Variants in HHLA2 observed in about 807,000 individuals in gnomAD.
The protein encoded by HHLA2 is HERV-H LTR-associating protein 2.
A neutral mutation model predicts 45.9 loss-of-function variants in HHLA2; 48 were observed. That is an observed-to-expected ratio of 1.05 (90% CI 0.83 to 1.33). HHLA2 has a LOEUF of 1.33. Among genes scored for constraint, HHLA2 ranks in the 40% most tolerant of loss-of-function variants. The probability of loss-of-function intolerance (pLI) is 0.00; values close to 1 mark genes in which losing one functional copy is unlikely to be tolerated. For synonymous variants in HHLA2, 161 were observed against 173.9 expected (o/e 0.93, Z 0.59); for missense variants, 462 against 494.3 (o/e 0.93, Z 0.62).
chr3:108,358,365 C>T (rs991979751), intron 7 of HHLA2, among the ~76,000 whole-genome samples: 5 of 152,122 alleles, frequency 3.3e-5, no homozygotes, highest in African/African-American at 1.2e-4. Context: ...AAAAATTACT[C>T]CCACAGATTT....
In HHLA2 at chr3:108,355,201, A is replaced by G; in HGVS notation, c.505A>G (p.Ile169Val). The change falls in exon 6 of 11, where the codon ATT (isoleucine) becomes GTT (valine). Residue 169 changes from isoleucine to valine, a missense_variant. By Grantham distance (29) the Ile-to-Val change is conservative. Coordinates refer to ENST00000619531, the Ensembl canonical transcript of HHLA2. ...CGTGTTAAGTGTTTATCCTCGTCCA[A>G]TTATCACGTGGAAAATGGACAACAC... is the stretch of plus-strand genomic sequence containing the variant. 1.2e-6 allele frequency: 2 copies of G among 1,613,776 alleles called. No homozygotes were observed. Among genetic ancestry groups the G allele is most frequent in the Admixed American group, 1.7e-5 (1 of 59,966 alleles).
At chr3:108,339,478 A>G (rs2081528874) in intron 3 of HHLA2, among the ~76,000 whole-genome samples, 1 of 152,152 alleles carries the variant, frequency 6.6e-6, no homozygotes, top group South Asian at 2.1e-4. Context: ...CAATGTCTTC[A>G]TCTATAAAAT....
rs544642567 is a variant in HHLA2 at position 108,312,971 on chromosome 3, A to G, written c.-105+2230A>G. On this transcript the variant is annotated intron_variant, in intron 2 of 10. Transcript: ENST00000619531. Reference sequence around the variant, plus strand: ...CACAACAGCTGAACATTCTTGAGGAACGAACAGTTGTGGGAGGACTCAACA... The same window carrying G: ...CACAACAGCTGAACATTCTTGAGGAGCGAACAGTTGTGGGAGGACTCAACA... Among the ~76,000 whole-genome samples the G allele has an allele frequency of 4.6e-5, 7 of 152,316 alleles. 1 individual carries two copies. The highest frequency in any genetic ancestry group is 9.6e-5 in the African/African-American group (4 of 41,576).
chr3:108,365,591 T>C (rs1184475861), intron 8 of HHLA2, among the ~76,000 whole-genome samples: 1 of 152,206 alleles, frequency 6.6e-6, no homozygotes, highest in African/African-American at 2.4e-5. Flanking sequence ...TTGGGCAGTA[T>C]GGCCATTTTC....
intron 8 of HHLA2, among the ~76,000 whole-genome samples, chr3:108,374,253 T>C (rs1202810954): frequency 6.6e-6 from 1 of 150,554 alleles, no homozygotes; most frequent in Admixed American, 6.6e-5. Flanking sequence ...TAATAAATGG[T>C]GCTGGGAAAA....
chr3:108,371,707 C>G (rs2082176274), intron 8 of HHLA2, among the ~76,000 whole-genome samples: 5 of 152,070 alleles, frequency 3.3e-5, no homozygotes, highest in Admixed American at 3.3e-4. Context: ...TTTAAACCAA[C>G]AAAGATCAAA....
chr3:108,346,413 G>A (rs748908176), intron 3 of HHLA2, among the ~76,000 whole-genome samples: 12 of 152,174 alleles, frequency 7.9e-5, no homozygotes, highest in Middle Eastern at 3.2e-3. Flanking sequence ...TTGTTAAGAC[G>A]TCTTTTACAA....
chr3:108,344,813 A>AAAC (rs753259733), intron 3 of HHLA2, among the ~76,000 whole-genome samples: 8 of 152,128 alleles, frequency 5.3e-5, no homozygotes, highest in Non-Finnish European at 7.4e-5. Context: ...CATTCTTGCT[A>AAAC]AACAACAACA....
chr3:108,353,847 T>A (rs2081835636), intron 5 of HHLA2, 67 bp downstream of exon 4: 4 of 1,209,462 alleles, frequency 3.3e-6, no homozygotes, highest in Non-Finnish European at 4.6e-6. Context: ...TAAGCGTCTT[T>A]TTCCTAATAT....
exon 8 of HHLA2, chr3:108,362,393 C>T (rs996864327): frequency 6.2e-7 from 1 of 1,612,938 alleles, no homozygotes; most frequent in Non-Finnish European, 8.5e-7. Flanking sequence ...ATTTTGGTGC[C>T]CTCTGCGATT....
At chr3:108,353,917 C>T in intron 5 of HHLA2, 137 bp downstream of exon 4, 1 of 645,532 alleles carries the variant, frequency 1.5e-6, no homozygotes, top group Admixed American at 2.9e-5. Flanking sequence ...CGCACAGCAA[C>T]TTGTAGTATA....
chr3:108,339,429 A>G lies in HHLA2; in HGVS notation c.-27+11082A>G, dbSNP rs191950651. On this transcript the variant is annotated intron_variant, in intron 3 of 10. Coordinates refer to ENST00000619531, the Ensembl canonical transcript of HHLA2. ...TTAGTCTTGACTTTGCTGTTTGTCA[A>G]TTACAAGCTTGAGCAAATTACTTAA... Among the ~76,000 whole-genome samples, 364 of 152,254 alleles carry G rather than the reference A, an allele frequency of 2.4e-3. 2 individuals carry two copies. The highest frequency in any genetic ancestry group is 6.8e-3 in the Middle Eastern group (2 of 294).
At chr3:108,369,464 T>C (rs2082127517) in intron 8 of HHLA2, among the ~76,000 whole-genome samples, 1 of 151,970 alleles carries the variant, frequency 6.6e-6, no homozygotes, top group Non-Finnish European at 1.5e-5. Flanking sequence ...TGACAGTGGG[T>C]GCAGGACAGT....
intron 1 of HHLA2, among the ~76,000 whole-genome samples, chr3:108,305,489 G>A (rs1382994824): frequency 5.3e-5 from 8 of 152,168 alleles, no homozygotes; most frequent in Non-Finnish European, 7.4e-5. Context: ...GTTCCTGTTG[G>A]TTAAAATTTA....
chr3:108,328,243 C>A, intron 2 of HHLA2: 2 of 1,143,060 alleles, frequency 1.7e-6, no homozygotes, highest in Non-Finnish European at 1.2e-6. Context: ...ACTCTGGAAT[C>A]ACCTTAATCT....
intron 2 of HHLA2, among the ~76,000 whole-genome samples, chr3:108,317,890 A>C (rs1445006558): frequency 1.3e-5 from 2 of 152,004 alleles, no homozygotes; most frequent in Non-Finnish European, 2.9e-5. Context: ...TTACTTATTA[A>C]AGAAAATATT....
chr3:108,342,007 C>T (rs887325170), intron 3 of HHLA2, among the ~76,000 whole-genome samples: 1 of 152,166 alleles, frequency 6.6e-6, no homozygotes, highest in African/African-American at 2.4e-5. Flanking sequence ...CTCTCACTTC[C>T]ATCCCAAGCC....
intron 3 of HHLA2, among the ~76,000 whole-genome samples, chr3:108,339,386 T>G (rs2081527257): frequency 6.6e-6 from 1 of 152,190 alleles, no homozygotes; most frequent in South Asian, 2.1e-4. Flanking sequence ...GGCCTCAAAG[T>G]CATAAGCCCA....
Position 108,343,659 on chromosome 3 carries a change from G to A in HHLA2, c.-26-8129G>A, listed in dbSNP as rs372934823. Among the ~76,000 whole-genome samples, 9 of 152,204 alleles carry A rather than the reference G, an allele frequency of 5.9e-5. No individual in the cohort carries two copies. The East Asian group carries it at 1.7e-3, about 29-fold the overall frequency. On this transcript the variant is annotated intron_variant, in intron 3 of 10. Coordinates refer to ENST00000619531, the Ensembl canonical transcript of HHLA2. ...GTCACCCGCCCCAGCACCTTGATAT[G>A]TAGATACAAGTAGGCGTTCTTTACT... is the stretch of plus-strand genomic sequence containing the variant.
Sources: allele counts gnomAD v4.1 joint callset (sites outside exome capture counted in the v4.1 genomes callset), GRCh38; gene constraint gnomAD v4.1.1; transcripts MANE v1.5; gene names NCBI Gene and HGNC (gene_info 2026-07-23, HGNC 2026-07-21).